Variants in KIAA0232 observed in about 807,000 individuals in gnomAD.
KIAA0232 encodes the protein uncharacterized protein KIAA0232.
A neutral mutation model predicts 122.0 loss-of-function variants in KIAA0232; 27 were observed. That is an observed-to-expected ratio of 0.22 (90% confidence interval 0.16 to 0.31). The LOEUF (loss-of-function observed/expected upper bound fraction) is 0.31. Ranked by LOEUF, KIAA0232 falls within the 10% of genes least tolerant of loss-of-function variation. KIAA0232 has a pLI of 1.00. For missense variants in KIAA0232, 1,551 were observed against 1,634.2 expected, an observed-to-expected ratio of 0.95 and a Z score of 0.88; for synonymous variants, 613 against 587.6, an observed-to-expected ratio of 1.04 and a Z score of -0.63.
intron 4 of KIAA0232, among the ~76,000 whole-genome samples, chr4:6,843,558 CAGG>C (rs1719777946): frequency 6.6e-6 from 1 of 152,164 alleles, no homozygotes; most frequent in Non-Finnish European, 1.5e-5. Flanking sequence ...CACCTGAGGT[CAGG>C]AGTTCGAGAC....
At chr4:6,817,324 C>G (rs1718179312) in intron 2 of KIAA0232, among the ~76,000 whole-genome samples, 1 of 152,144 alleles carries the variant, frequency 6.6e-6, no homozygotes, top group African/African-American at 2.4e-5. Flanking sequence ...TCAAGTGATT[C>G]TTTCACCTCA....
chr4:6,803,442 T>G (rs1024965396), intron 1 of KIAA0232, among the ~76,000 whole-genome samples: 2 of 152,160 alleles, frequency 1.3e-5, no homozygotes. Context: ...TCTCAAGTTA[T>G]CTGGTTACTG....
At chr4:6,850,438 A>G (rs978310223) in intron 4 of KIAA0232, among the ~76,000 whole-genome samples, 1 of 152,042 alleles carries the variant, frequency 6.6e-6, no homozygotes, top group African/African-American at 2.4e-5. Flanking sequence ...ATGATTTTGC[A>G]TTTTCTTAAA....
chr4:6,802,348 G>C (rs1329792819), intron 1 of KIAA0232, among the ~76,000 whole-genome samples: 1 of 152,210 alleles, frequency 6.6e-6, no homozygotes. Context: ...ACTTGAAGGG[G>C]CTGACGGAGC....
chr4:6,827,549 T>C (rs1471531346), intron 3 of KIAA0232, among the ~76,000 whole-genome samples: 2 of 152,236 alleles, frequency 1.3e-5, no homozygotes, highest in East Asian at 3.8e-4. Flanking sequence ...CGCTCACCCC[T>C]TAGTCCTTGA....
intron 1 of KIAA0232, among the ~76,000 whole-genome samples, chr4:6,788,635 C>T (rs1184795944): frequency 6.6e-6 from 1 of 152,186 alleles, no homozygotes; most frequent in East Asian, 1.9e-4. Context: ...TTCTGATTTC[C>T]TCTAGTGTGC....
chr4:6,842,171 T>A lies in KIAA0232; in HGVS notation c.336T>A (p.Ala112=), dbSNP rs769238989. ...CTCTAGAAGAAATGAAAAAACAGGCTGCTGTCCAGTGTCTTCGATCTGCTT... is the reference window on the plus strand; with the variant it reads ...CTCTAGAAGAAATGAAAAAACAGGCAGCTGTCCAGTGTCTTCGATCTGCTT... ...DLTLEEMKKQ[A]AVQCLRSASD... Residue 112 remains alanine (A), a synonymous_variant, in exon 4 of 10, where the codon GCT becomes GCA. Transcript: ENST00000307659. 1 of 1,608,194 alleles carries A rather than the reference T, an allele frequency of 6.2e-7. No homozygotes were observed. Among genetic ancestry groups the A allele is most frequent in the Non-Finnish European group, 8.5e-7 (1 of 1,178,056 alleles).
rs186045801 is a variant in KIAA0232, at chr4:6,814,169, C to T, written c.-270+9563C>T. Among the ~76,000 whole-genome samples the T allele has an allele frequency of 1.4e-3, 215 of 152,222 alleles. 1 individual carries two copies. In the Middle Eastern group the frequency reaches 0.017, roughly 12 times the overall value. ...TGTATGGAGATTGCTCTGCAGATGT[C>T]TGTGTTCTAAAAACAAGTAGAAAAC... On this transcript the variant is annotated intron_variant, in intron 2 of 9. Transcript: ENST00000307659.
intron 1 of KIAA0232, among the ~76,000 whole-genome samples, chr4:6,788,480 A>G (rs1464510598): frequency 6.6e-6 from 1 of 152,186 alleles, no homozygotes; most frequent in East Asian, 1.9e-4. Flanking sequence ...GATTTTCAGA[A>G]TTAACTCATT....
chr4:6,869,379 G>A (rs1039239067), intron 7 of KIAA0232, among the ~76,000 whole-genome samples: 1 of 152,192 alleles, frequency 6.6e-6, no homozygotes, highest in South Asian at 2.1e-4. Context: ...AGTTCTGGCT[G>A]GGGCACCTTC....
At chr4:6,864,494 T>C (rs1016137740) in intron 7 of KIAA0232, among the ~76,000 whole-genome samples, 5 of 152,100 alleles carry the variant, frequency 3.3e-5, no homozygotes, top group African/African-American at 9.7e-5. Context: ...ATCCCAGCAC[T>C]TTGGGAGGCC....
intron 2 of KIAA0232, among the ~76,000 whole-genome samples, chr4:6,817,353 A>T (rs1577369320): frequency 6.6e-6 from 1 of 152,248 alleles, no homozygotes; most frequent in Admixed American, 6.5e-5. Flanking sequence ...AGTAGCTGGG[A>T]CTACAAGCGT....
At position 6,855,121 on chromosome 4, in the gene KIAA0232, G is replaced by C. The variant is rs1272114502; in HGVS notation, c.370-2043G>C. Among the ~76,000 whole-genome samples, 1 of 151,480 alleles carries C rather than the reference G, an allele frequency of 6.6e-6. No individual in the cohort carries two copies. The highest frequency in any genetic ancestry group is 1.5e-5 in the Non-Finnish European group (1 of 67,924). Reference sequence around the variant, plus strand: ...TTTTTTTGAGACCGAGTCTCGCTCTGTTGCCCAGGCTGGAGTGCAATGACG... The same window carrying C: ...TTTTTTTGAGACCGAGTCTCGCTCTCTTGCCCAGGCTGGAGTGCAATGACG... On this transcript the variant is annotated intron_variant, in intron 4 of 9. Coordinates refer to ENST00000307659, the MANE Select transcript of KIAA0232 (RefSeq NM_014743.3). This position sits in a 1 kb window ranked among gnomAD's most constrained non-coding sequence, Gnocchi z 4.3.
rs769161490 is a variant in KIAA0232, at chr4:6,863,598, G to A, written c.3216G>A (p.Pro1072=). The change falls in exon 7 of 10, where the codon CCG becomes CCA. Residue 1072 remains proline (P), a synonymous_variant. Coordinates refer to ENST00000307659, the MANE Select transcript of KIAA0232 (RefSeq NM_014743.3). ...GIASFSPSFK[P]KSILCSDSDS... ...CATCTTTCAGCCCCAGTTTTAAACC[G>A]AAATCAATCCTCTGTTCTGATTCAG... The A allele has an allele frequency of 6.8e-6, 11 of 1,614,050 alleles. No individual in the cohort carries two copies. The highest frequency in any genetic ancestry group is 2.2e-5 in the South Asian group (2 of 91,056).
intron 3 of KIAA0232, among the ~76,000 whole-genome samples, chr4:6,837,439 C>T (rs1214219171): frequency 5.5e-5 from 8 of 144,756 alleles, no homozygotes; most frequent in Admixed American, 2.7e-4. Context: ...GCTGGGCGGC[C>T]GGGCAGAGGG....
chr4:6,811,363 A>C (rs1187166766), intron 2 of KIAA0232, among the ~76,000 whole-genome samples: 1 of 152,250 alleles, frequency 6.6e-6, no homozygotes, highest in Non-Finnish European at 1.5e-5. Context: ...CAAGCCAGAC[A>C]TAGAAAGCCA....
chr4:6,846,061 A>T (rs1442075623), intron 4 of KIAA0232, among the ~76,000 whole-genome samples: 1 of 151,346 alleles, frequency 6.6e-6, no homozygotes, highest in Admixed American at 6.6e-5. Flanking sequence ...CCAGTAAAGC[A>T]TATTTGTACT....
intron 2 of KIAA0232, among the ~76,000 whole-genome samples, chr4:6,820,044 ACAT>A (rs1330646854): frequency 6.6e-6 from 1 of 152,156 alleles, no homozygotes; most frequent in Non-Finnish European, 1.5e-5. Context: ...TGGGAGTTAA[ACAT>A]CAGTTACTTG....
chr4:6,839,544 T>G (rs192111388), intron 3 of KIAA0232, among the ~76,000 whole-genome samples: 1 of 152,300 alleles, frequency 6.6e-6, no homozygotes, highest in East Asian at 1.9e-4. Context: ...AACTGCCAGT[T>G]TAGGAATCAC....
Sources: allele counts gnomAD v4.1 joint callset (sites outside exome capture counted in the v4.1 genomes callset), GRCh38; gene constraint gnomAD v4.1.1; non-coding constraint Gnocchi (gnomAD v3.1); transcripts MANE v1.5; gene names NCBI Gene and HGNC (gene_info 2026-07-23, HGNC 2026-07-21).